The following TNC variants were observed in gnomAD, a reference collection of about 807,000 sequenced individuals.
The protein encoded by TNC is tenascin.
In TNC, 109 loss-of-function variants were observed where a neutral mutation model predicts 202.4. The ratio of observed to expected loss-of-function variants is 0.54; its 90% CI spans 0.46 to 0.63. The LOEUF is 0.63. Ranked by LOEUF, TNC falls within the 30% of genes least tolerant of loss-of-function variation. The pLI, the probability that TNC is intolerant of heterozygous loss-of-function variation, is 0.00. For synonymous variants in TNC, 1,007 were observed against 1,089.7 expected, an observed-to-expected ratio of 0.92 and a Z score of 1.50; for missense variants, 2,756 against 2,833.3, an observed-to-expected ratio of 0.97 and a Z score of 0.62.
chr9:115,036,355 C>A (rs140618378), intron 20 of TNC, 114 bp from the exon 21 acceptor site: 4 of 1,216,088 alleles, frequency 3.3e-6, no homozygotes, highest in Non-Finnish European at 3.5e-6. Flanking sequence ...AGTGACCCTG[C>A]GGAAAAGCAG....
chr9:115,094,310 C>T (rs1371249188), intron 1 of TNC, among the ~76,000 whole-genome samples: 1 of 152,152 alleles, frequency 6.6e-6, no homozygotes, highest in Non-Finnish European at 1.5e-5. Context: ...TCAGCAGCAA[C>T]TTGGATCTAG....
rs758526776 is a variant in TNC at position 115,063,167 on chromosome 9, G to A, written c.3783C>T (p.Asn1261=). The part of the protein sequence containing the change: ...VLTEEVPDMG[N]LTVTEVSWDA... ...CCCAGCTAACCTCGGTCACTGTGAG[G>A]TTTCCCATATCTGGAACCTCCTCTG... The change falls in exon 13 of 28, where the codon AAC becomes AAT. Residue 1261 remains asparagine (N), a synonymous_variant. Transcript: ENST00000350763. 1 of 1,614,102 alleles carries A rather than the reference G, an allele frequency of 6.2e-7. No individual in the cohort carries two copies. The highest frequency in any genetic ancestry group is 1.1e-5 in the South Asian group (1 of 91,082).
At chr9:115,031,519 T>C (rs761966054) in intron 23 of TNC, 34 bp downstream of exon 23, 1 of 1,494,650 alleles carries the variant, frequency 6.7e-7, no homozygotes, top group East Asian at 2.5e-5. Flanking sequence ...CAAAGTTAGA[T>C]CTCAAGGCTG....
rs145367019 is a variant in TNC, at chr9:115,090,923, C to T, written c.96G>A (p.Lys32=). 9,132 of 1,614,174 alleles carry T rather than the reference C, an allele frequency of 5.7e-3. 34 individuals are homozygous for T. The highest frequency in any genetic ancestry group is 7.2e-3 in the Non-Finnish European group (8,447 of 1,180,040). Residue 32 remains lysine (K), a synonymous_variant, in exon 2 of 28, where the codon AAG becomes AAA. Coordinates refer to ENST00000350763, the MANE Select transcript of TNC (RefSeq NM_002160.4). ...GGGTGGCGTTCACCCCACTCTGTCG[C>T]TTGTGCCGGATGACTTTCTTGAGGA... The part of the protein sequence containing the change: ...GGVLKKVIRH[K]RQSGVNATLP...
At chr9:115,111,203 G>A (rs1395382999) in intron 1 of TNC, among the ~76,000 whole-genome samples, 1 of 152,164 alleles carries the variant, frequency 6.6e-6, no homozygotes, top group Non-Finnish European at 1.5e-5. Context: ...GTGGCAGGCA[G>A]ACTCTAAGGT....
At chr9:115,036,377 G>A (rs1487947249) in intron 20 of TNC, 136 bp from the exon 21 acceptor site, 90 of 943,390 alleles carry the variant, frequency 9.5e-5, no homozygotes, top group Non-Finnish European at 1.6e-5. Flanking sequence ...TCTGATTTCT[G>A]AAATGACTCA....
chr9:115,073,473 A>G (rs943466799), intron 10 of TNC, 130 bp downstream of exon 10: 20 of 1,099,776 alleles, frequency 1.8e-5, no homozygotes, highest in Admixed American at 1.0e-4. Context: ...AGTGGTGTTC[A>G]GGGGCTTCAG....
rs200330029 is a variant in TNC at position 115,023,974 on chromosome 9, T to A, written c.6494A>T (p.Gln2165Leu). 6.2e-7 allele frequency: 1 copy of A among 1,613,360 alleles called. No individual in the cohort carries two copies. Among genetic ancestry groups the A allele is most frequent in the East Asian group, 2.2e-5 (1 of 44,864 alleles). Residue 2165 changes from glutamine to leucine, a missense_variant and splice_region_variant, in exon 27 of 28, where the codon CAG (glutamine) becomes CTG (leucine). This residue lies in a region of TNC where 197 missense variants were observed against 287.3 expected (regional missense o/e 0.69). Transcript: ENST00000350763. Reference sequence around the variant, plus strand: ...TCTGGGCCCTCACGGTCCACTCACCTGACTGTGGTTATTGTCCCCATATCT... The same window carrying A: ...TCTGGGCCCTCACGGTCCACTCACCAGACTGTGGTTATTGTCCCCATATCT... Reference protein sequence around the residue: ...MGRYGDNNHSQGVNWFHWKGH... With the variant: ...MGRYGDNNHSLGVNWFHWKGH...
chr9:115,075,782 TCAA>T (rs955260553), intron 9 of TNC, among the ~76,000 whole-genome samples: 101 of 152,056 alleles, frequency 6.6e-4, no homozygotes, highest in East Asian at 6.4e-3. Flanking sequence ...ATACTCCATC[TCAA>T]CAACAACAAC....
chr9:115,067,071 C>G (rs1405329865), intron 10 of TNC, among the ~76,000 whole-genome samples: 1 of 152,180 alleles, frequency 6.6e-6, no homozygotes, highest in African/African-American at 2.4e-5. Context: ...AGGGAGGACC[C>G]CAAACTGCAA....
At chr9:115,049,739 T>C (rs1831505314) in intron 15 of TNC, among the ~76,000 whole-genome samples, 1 of 152,078 alleles carries the variant, frequency 6.6e-6, no homozygotes, top group African/African-American at 2.4e-5. Flanking sequence ...GCATCTAGTT[T>C]AGACACTTCT....
chr9:115,105,137 C>T (rs1836516390), intron 1 of TNC, among the ~76,000 whole-genome samples: 2 of 152,128 alleles, frequency 1.3e-5, no homozygotes, highest in Non-Finnish European at 2.9e-5. Context: ...AAGTCTCATA[C>T]ATTTTGATAG....
chr9:115,096,348 C>A (rs2133898775), intron 1 of TNC, among the ~76,000 whole-genome samples: 1 of 152,332 alleles, frequency 6.6e-6, no homozygotes, highest in East Asian at 1.9e-4. Context: ...TTAAAAATCT[C>A]ATTGCTCAGT....
chr9:115,063,247 C>G (rs1415025570), intron 12 of TNC, 58 bp from the exon 13 acceptor site: 1 of 1,583,410 alleles, frequency 6.3e-7, no homozygotes, highest in African/African-American at 1.3e-5. Context: ...CGCTGGGATT[C>G]AGGTGAGATG....
intron 20 of TNC, among the ~76,000 whole-genome samples, chr9:115,037,034 G>A (rs1479663260): frequency 6.6e-6 from 1 of 152,114 alleles, no homozygotes; most frequent in Non-Finnish European, 1.5e-5. Flanking sequence ...ATTCATTTTA[G>A]GTGCAACACC....
chr9:115,090,450 G>A, intron 2 of TNC, 112 bp downstream of exon 2: 4 of 809,218 alleles, frequency 4.9e-6, no homozygotes, highest in Non-Finnish European at 8.0e-6. Flanking sequence ...TGAACACTCT[G>A]GGAAGCTAGT....
At chr9:115,029,496 T>C (rs1396019960) in intron 24 of TNC, 40 bp from the exon 25 acceptor site, 1 of 1,592,392 alleles carries the variant, frequency 6.3e-7, no homozygotes, top group Non-Finnish European at 8.6e-7. Context: ...CTTAAGCTAT[T>C]GCAGGAAAGA....
At chr9:115,108,985 A>G (rs988621142) in intron 1 of TNC, among the ~76,000 whole-genome samples, 7 of 152,236 alleles carry the variant, frequency 4.6e-5, no homozygotes, top group African/African-American at 1.4e-4. Context: ...TGTAAACACC[A>G]TGAATAAAAG....
chr9:115,102,721 C>T (rs1836327201), intron 1 of TNC, among the ~76,000 whole-genome samples: 1 of 152,198 alleles, frequency 6.6e-6, no homozygotes, highest in Non-Finnish European at 1.5e-5. Flanking sequence ...AGTCTATAAA[C>T]AGTTGGTTTG....
Sources: gnomAD v4.1 joint callset for allele counts (sites outside exome capture counted in the v4.1 genomes callset) on GRCh38, gnomAD v4.1.1 for gene constraint, gnomAD v4.1.1 regional missense constraint, MANE v1.5 for transcripts, NCBI Gene and HGNC (gene_info 2026-07-23, HGNC 2026-07-21) for gene names.